The following MTHFD1L variants were observed in gnomAD, a reference collection of about 807,000 sequenced individuals.
MTHFD1L encodes monofunctional C1-tetrahydrofolate synthase, mitochondrial.
Under a neutral mutation model 119.5 loss-of-function variants are expected in MTHFD1L, and 81 were observed. The observed-to-expected ratio is 0.68, with a 90% CI of 0.57 to 0.82. The LOEUF is 0.82. Among genes scored for constraint, MTHFD1L ranks in the 40% least tolerant of loss-of-function variants. The pLI is 0.00. For missense variants in MTHFD1L, 1,125 were observed against 1,253.4 expected, an observed-to-expected ratio of 0.90 and a Z score of 1.55; for synonymous variants, 430 against 475.2, an observed-to-expected ratio of 0.90 and a Z score of 1.24.
intron 24 of MTHFD1L, among the ~76,000 whole-genome samples, chr6:151,031,678 A>G (rs972313468): frequency 2.6e-5 from 4 of 152,194 alleles, no homozygotes; most frequent in Non-Finnish European, 4.4e-5. Context: ...TCTTCTTAAA[A>G]CAAGTTTTAA....
Position 150,926,649 on chromosome 6 carries a change from G to A in MTHFD1L, c.1256+354G>A, listed in dbSNP as rs1790044977. On this transcript the variant is annotated intron_variant, in intron 11 of 27. Coordinates refer to ENST00000367321, the MANE Select transcript of MTHFD1L (RefSeq NM_015440.5). This position sits in a 1 kb window ranked among gnomAD's most constrained non-coding sequence, Gnocchi z 4.3. ...TTTTGAACTGAGCAGTTTGTTTTGT[G>A]CGTTCTACTTGAAATATTTTCGTGG... Among the ~76,000 whole-genome samples, 2 of 152,092 alleles carry A rather than the reference G, an allele frequency of 1.3e-5. No individual in the cohort carries two copies. Among genetic ancestry groups the A allele is most frequent in the Admixed American group, 1.3e-4 (2 of 15,264 alleles).
intron 20 of MTHFD1L, among the ~76,000 whole-genome samples, chr6:150,999,662 A>G (rs187266992): frequency 1.0e-3 from 156 of 152,330 alleles, no homozygotes; most frequent in Non-Finnish European, 1.6e-3. Flanking sequence ...ATAATTTATA[A>G]TATTCATCGA....
At chr6:151,022,582 AAC>A (rs1347019194) in intron 24 of MTHFD1L, among the ~76,000 whole-genome samples, 1 of 152,140 alleles carries the variant, frequency 6.6e-6, no homozygotes, top group African/African-American at 2.4e-5. Flanking sequence ...GAAGGGAAAA[AAC>A]ACACTCTAGG....
chr6:150,880,504 A>G (rs1781233016), intron 4 of MTHFD1L, among the ~76,000 whole-genome samples: 1 of 152,130 alleles, frequency 6.6e-6, no homozygotes, highest in Non-Finnish European at 1.5e-5. Context: ...ATCCTCCATT[A>G]ATGGGCATTT....
chr6:151,006,229 C>T (rs1781369434), intron 20 of MTHFD1L, among the ~76,000 whole-genome samples: 1 of 152,142 alleles, frequency 6.6e-6, no homozygotes, highest in Non-Finnish European at 1.5e-5. Flanking sequence ...GCCAACTTTG[C>T]CCGAAAGCAT....
intron 7 of MTHFD1L, among the ~76,000 whole-genome samples, chr6:150,896,406 C>T (rs1784221104): frequency 6.6e-6 from 1 of 152,108 alleles, no homozygotes; most frequent in Non-Finnish European, 1.5e-5. Context: ...TCGGAGAGGG[C>T]AGGGATGGAC....
At chr6:150,974,867 G>T (rs1268955205) in intron 20 of MTHFD1L, among the ~76,000 whole-genome samples, 1 of 151,974 alleles carries the variant, frequency 6.6e-6, no homozygotes. Flanking sequence ...CTCCCGAGTA[G>T]CTGGGATTAC....
chr6:150,946,404 C>A (rs572747868), intron 15 of MTHFD1L, among the ~76,000 whole-genome samples: 17 of 152,338 alleles, frequency 1.1e-4, no homozygotes, highest in African/African-American at 4.1e-4. Context: ...TCCACCTTGG[C>A]CTCCCAAAGT....
intron 8 of MTHFD1L, among the ~76,000 whole-genome samples, chr6:150,911,665 C>T (rs1786904196): frequency 1.3e-5 from 2 of 152,014 alleles, no homozygotes; most frequent in Non-Finnish European, 2.9e-5. Flanking sequence ...CGTATTAGTC[C>T]ATTTTCGCAC....
chr6:151,022,998 C>G (rs1026943683), intron 24 of MTHFD1L, among the ~76,000 whole-genome samples: 9 of 151,830 alleles, frequency 5.9e-5, no homozygotes, highest in African/African-American at 2.2e-4. Flanking sequence ...CCAGATACCC[C>G]CTGCTTTTTT....
chr6:150,998,822 CAAA>C (rs72203332), intron 20 of MTHFD1L, among the ~76,000 whole-genome samples: 1 of 101,124 alleles, frequency 9.9e-6, no homozygotes, highest in Non-Finnish European at 2.1e-5. Flanking sequence ...TCTAAAAATA[CAAA>C]AAAAAAAAAA....
At chr6:151,058,534 C>G (rs76387334) in intron 26 of MTHFD1L, among the ~76,000 whole-genome samples, 4,892 of 152,300 alleles carry the variant, frequency 0.032, 156 homozygotes, top group Admixed American at 0.098. Flanking sequence ...GGCAATTAGC[C>G]TACAGAAACC....
rs509474 is a variant in MTHFD1L at position 151,015,603 on chromosome 6, C to G, written c.2496C>G (p.Ser832=). 726,960 of 1,613,736 alleles carry G rather than the reference C, an allele frequency of 0.45. 171,821 individuals are homozygous for G. The highest frequency in any genetic ancestry group is 0.81 in the African/African-American group (60,852 of 74,948). The change falls in exon 24 of 28, where the codon TCC becomes TCG. Residue 832 remains serine (S), a synonymous_variant. Transcript: ENST00000367321. ...AFDAVPCYHW[S]VGGKGSVDLA... ...ATGCAGTCCCCTGCTATCACTGGTC[C>G]GTTGGTGGAAAAGGATCGGTGGACT...
At chr6:151,100,004 A>C (rs1795233009) in intron 27 of MTHFD1L, 1 of 748,492 alleles carries the variant, frequency 1.3e-6, no homozygotes, top group Admixed American at 2.5e-5. Context: ...TTTAAAAAAA[A>C]AGAAAAGAAA....
chr6:150,943,398 A>T (rs1045544488), intron 13 of MTHFD1L, among the ~76,000 whole-genome samples: 8 of 152,206 alleles, frequency 5.3e-5, no homozygotes, highest in Non-Finnish European at 1.0e-4. Flanking sequence ...TGCGGGGCTG[A>T]AGCGAGAGGA....
At chr6:151,088,016 C>G (rs1486137140) in intron 26 of MTHFD1L, 1 of 152,188 alleles carries the variant, frequency 6.6e-6, no homozygotes, top group Non-Finnish European at 1.5e-5. Context: ...CCCAGGCGTG[C>G]GGCCAGAGGT....
chr6:150,938,888 A>G, intron 13 of MTHFD1L, 143 bp downstream of exon 13: 2 of 880,676 alleles, frequency 2.3e-6, no homozygotes, highest in Non-Finnish European at 3.6e-6. Flanking sequence ...ATGTTTGCAT[A>G]ACTCATGCAG....
rs1365421959 is a variant in MTHFD1L at position 150,949,387 on chromosome 6, A to G, written c.1726+254A>G. 4.6e-5 allele frequency among the ~76,000 whole-genome samples: 7 copies of G among 152,006 alleles called. No homozygotes were observed. The East Asian group carries it at 1.4e-3, about 29-fold the overall frequency. On this transcript the variant is annotated intron_variant, in intron 16 of 27. Coordinates refer to ENST00000367321, the MANE Select transcript of MTHFD1L (RefSeq NM_015440.5). ...GTCTTCTAAATTTCCAAGGAAAATTACCTAATTTTCTCTTCTGTTTCTCTC... is the reference window on the plus strand; with the variant it reads ...GTCTTCTAAATTTCCAAGGAAAATTGCCTAATTTTCTCTTCTGTTTCTCTC...
chr6:150,994,624 G>C (rs1342612742), intron 20 of MTHFD1L, among the ~76,000 whole-genome samples: 2 of 152,152 alleles, frequency 1.3e-5, no homozygotes, highest in African/African-American at 4.8e-5. Context: ...CAACCAAACT[G>C]ACCAGCCCAC....
Sources: allele counts gnomAD v4.1 joint callset (sites outside exome capture counted in the v4.1 genomes callset), GRCh38; gene constraint gnomAD v4.1.1; non-coding constraint Gnocchi (gnomAD v3.1); transcripts MANE v1.5; gene names NCBI Gene and HGNC (gene_info 2026-07-23, HGNC 2026-07-21).